The following PDE4D variants were observed in gnomAD, a reference collection of about 807,000 sequenced individuals.
PDE4D encodes phosphodiesterase 4D.
A neutral mutation model predicts 87.4 loss-of-function variants in PDE4D; 24 were observed. The ratio of observed to expected loss-of-function variants is 0.27; its 90% CI spans 0.20 to 0.39. The LOEUF (loss-of-function observed/expected upper bound fraction) is 0.39. Ranked by LOEUF, PDE4D falls within the 10% of genes least tolerant of loss-of-function variation. PDE4D has a pLI of 1.00. For synonymous variants in PDE4D, 384 were observed against 383.2 expected (o/e 1.00, Z -0.02); for missense variants, 714 against 1,041.0 (o/e 0.69, Z 4.32).
intron 1 of PDE4D, among the ~76,000 whole-genome samples, chr5:60,406,839 C>G: frequency 6.6e-6 from 1 of 152,076 alleles, no homozygotes; most frequent in East Asian, 1.9e-4. Context: ...CACATTCCTT[C>G]TATTTCTTGT....
intron 1 of PDE4D, among the ~76,000 whole-genome samples, chr5:59,362,104 A>G (rs866481145): frequency 2.0e-5 from 3 of 152,146 alleles, no homozygotes; most frequent in African/African-American, 7.2e-5. Context: ...TTTGGTTCTC[A>G]TTTGAGAGCC....
At chr5:59,010,955 G>T (rs1270499319) in intron 6 of PDE4D, among the ~76,000 whole-genome samples, 1 of 152,118 alleles carries the variant, frequency 6.6e-6, no homozygotes, top group Admixed American at 6.5e-5. Flanking sequence ...CCAGAGGAAG[G>T]ATCAGGTAGC....
chr5:59,677,438 A>G (rs1307440531), intron 1 of PDE4D, among the ~76,000 whole-genome samples: 1 of 152,242 alleles, frequency 6.6e-6, no homozygotes, highest in Non-Finnish European at 1.5e-5. Context: ...TAATAGAGAC[A>G]GCAACCAACC....
chr5:60,420,050 T>C (rs768203773), intron 1 of PDE4D, among the ~76,000 whole-genome samples: 1 of 151,910 alleles, frequency 6.6e-6, no homozygotes, highest in Non-Finnish European at 1.5e-5. Context: ...ATTTGCAGAG[T>C]GAGAATACTG....
chr5:59,922,793 G>A (rs1417006648), intron 3 of PDE4D, among the ~76,000 whole-genome samples: 1 of 151,836 alleles, frequency 6.6e-6, no homozygotes, highest in Non-Finnish European at 1.5e-5. Context: ...TAGTAGTTAT[G>A]GGAAAAGACT....
At chr5:59,463,645 C>T (rs982430461) in intron 1 of PDE4D, among the ~76,000 whole-genome samples, 2 of 152,180 alleles carry the variant, frequency 1.3e-5, no homozygotes, top group African/African-American at 2.4e-5. Context: ...AATGCAAGTG[C>T]TCAGTGCAGA....
At chr5:60,445,119 T>C (rs1000327615) in intron 1 of PDE4D, among the ~76,000 whole-genome samples, 2 of 152,094 alleles carry the variant, frequency 1.3e-5, no homozygotes, top group African/African-American at 4.8e-5. Context: ...TTGTTGTGAA[T>C]GGATTAGAAG....
At chr5:59,358,642 G>C (rs1455089088) in intron 1 of PDE4D, among the ~76,000 whole-genome samples, 1 of 152,024 alleles carries the variant, frequency 6.6e-6, no homozygotes, top group Admixed American at 6.6e-5. Flanking sequence ...CTTCATCTGA[G>C]ACTAAAGCCA....
chr5:59,654,064 G>T (rs1392086502), intron 1 of PDE4D, among the ~76,000 whole-genome samples: 1 of 152,128 alleles, frequency 6.6e-6, no homozygotes, highest in Non-Finnish European at 1.5e-5. Context: ...AAATTAGCCA[G>T]GCATGGTGCC....
rs552703689 is a variant in PDE4D at position 59,976,177 on chromosome 5, A to G, written c.272+12311T>C. On this transcript the variant is annotated intron_variant, in intron 3 of 16. Transcript: ENST00000502484. ...CTAATGCATGATTGAGGGGATCAGT[A>G]TATTTACCAGAATCCCTTGCATGTA... Among the ~76,000 whole-genome samples, 22 of 152,318 alleles carry G rather than the reference A, an allele frequency of 1.4e-4. 1 individual carries two copies. In the South Asian group the frequency reaches 4.3e-3, roughly 30 times the overall value.
chr5:58,987,713 A>G (rs1215497870), intron 11 of PDE4D, among the ~76,000 whole-genome samples: 1 of 152,214 alleles, frequency 6.6e-6, no homozygotes, highest in Non-Finnish European at 1.5e-5. Flanking sequence ...ATAAAAGTGA[A>G]TTTATGATTT....
At chr5:59,981,668 G>A (rs963581557) in intron 3 of PDE4D, among the ~76,000 whole-genome samples, 2 of 152,120 alleles carry the variant, frequency 1.3e-5, no homozygotes, top group Non-Finnish European at 2.9e-5. Context: ...ATCACTTAAA[G>A]CTTGAACATA....
chr5:60,414,123 G>A (rs1369079850), intron 1 of PDE4D, among the ~76,000 whole-genome samples: 1 of 152,100 alleles, frequency 6.6e-6, no homozygotes, highest in African/African-American at 2.4e-5. Context: ...TACACAGTAG[G>A]GCCGATGCTA....
At position 60,277,605 on chromosome 5, in the gene PDE4D, G is replaced by A. The variant is rs184822595; in HGVS notation, c.-89-91918C>T. Among the ~76,000 whole-genome samples the A allele has an allele frequency of 4.9e-3, 749 of 152,152 alleles. 5 individuals carry two copies. The highest frequency in any genetic ancestry group is 0.017 in the African/African-American group (722 of 41,526). ...ACATCATATACTGAAATTTTGCTAA[G>A]AGAATAGATTTTATGTCTTCTTACC... On this transcript the variant is annotated intron_variant, in intron 1 of 16. Transcript: ENST00000502484.
intron 5 of PDE4D, among the ~76,000 whole-genome samples, chr5:59,164,367 C>G (rs545977664): frequency 2.6e-5 from 4 of 152,278 alleles, no homozygotes; most frequent in Non-Finnish European, 4.4e-5. Context: ...TATCACAGTA[C>G]AGTCAAGAAA....
At chr5:59,754,978 G>A (rs1366682719) in intron 1 of PDE4D, among the ~76,000 whole-genome samples, 4 of 152,036 alleles carry the variant, frequency 2.6e-5, no homozygotes, top group African/African-American at 9.7e-5. Flanking sequence ...ACTTCTGCAA[G>A]AACAAATGTC....
intron 1 of PDE4D, among the ~76,000 whole-genome samples, chr5:59,593,109 G>T (rs1826140704): frequency 6.6e-6 from 1 of 151,418 alleles, no homozygotes; most frequent in African/African-American, 2.4e-5. Context: ...GGAAAAAAAA[G>T]AAAAAATACA....
chr5:60,478,384 AAAAC>A (rs1354881548), intron 1 of PDE4D, among the ~76,000 whole-genome samples: 1 of 152,200 alleles, frequency 6.6e-6, no homozygotes. Context: ...GCCTCCAAGA[AAAAC>A]AAAATGGAGC....
At chr5:60,226,678 T>G (rs4302546) in intron 1 of PDE4D, among the ~76,000 whole-genome samples, 118,905 of 151,986 alleles carry the variant, frequency 0.78, 46,684 homozygotes, top group East Asian at 0.86. Context: ...AAACAAGAGT[T>G]AAGGCTACCC....
Sources: gnomAD v4.1 joint callset for allele counts (sites outside exome capture counted in the v4.1 genomes callset) on GRCh38, gnomAD v4.1.1 for gene constraint, MANE v1.5 for transcripts, NCBI Gene and HGNC (gene_info 2026-07-23, HGNC 2026-07-21) for gene names.